MYNN: variants seen among roughly 807,000 people sequenced by gnomAD.
MYNN encodes myoneurin, also known as zinc finger and BTB domain-containing protein 31.
MYNN carries 22 observed loss-of-function variants against 57.2 expected under a neutral mutation model. The observed-to-expected ratio is 0.38, with a 90% CI of 0.27 to 0.55. The LOEUF is 0.55. MYNN is among the 20% of genes least tolerant of loss of function. MYNN has a pLI of 0.71. For missense variants in MYNN, 566 were observed against 723.1 expected, an observed-to-expected ratio of 0.78 and a Z score of 2.49; for synonymous variants, 241 against 257.1, an observed-to-expected ratio of 0.94 and a Z score of 0.60.
At chr3:169,773,645 C>CAGAGG (rs2108194436) in intron 1 of MYNN, among the ~76,000 whole-genome samples, 183 bp downstream of exon 1, 1 of 152,304 alleles carries the variant, frequency 6.6e-6, no homozygotes, top group East Asian at 1.9e-4. Flanking sequence ...GGGAGCTGGG[C>CAGAGG]AGAGGGCAGG....
Position 169,780,675 on chromosome 3 carries a change from T to C in MYNN, c.1146T>C (p.Gly382=). 6.2e-7 allele frequency: 1 copy of C among 1,613,160 alleles called. No homozygotes were observed. The highest frequency in any genetic ancestry group is 8.5e-7 in the Non-Finnish European group (1 of 1,179,678). The part of the protein sequence containing the change: ...QLVFHSRMHH[G]EEKPYKCDVC... ...TCTTCCATAGTCGCATGCATCATGG[T>C]GAAGAAAAACCCTATAAATGTGATG... Residue 382 remains glycine, a synonymous_variant, in exon 4 of 8, where the codon GGT becomes GGC. Coordinates refer to ENST00000349841, the MANE Select transcript of MYNN (RefSeq NM_018657.5).
At chr3:169,778,688 A>T in intron 2 of MYNN, 80 bp from the exon 3 acceptor site, 1 of 1,064,946 alleles carries the variant, frequency 9.4e-7, no homozygotes, top group East Asian at 2.4e-5. Context: ...TCTTTAAAAT[A>T]CATTGAAGTA....
At chr3:169,778,686 A>C in intron 2 of MYNN, 82 bp from the exon 3 acceptor site, 1 of 1,059,190 alleles carries the variant, frequency 9.4e-7, no homozygotes, top group Non-Finnish European at 1.4e-6. Flanking sequence ...GGTCTTTAAA[A>C]TACATTGAAG....
chr3:169,785,770 A>G (rs1778658124), intron 7 of MYNN, among the ~76,000 whole-genome samples: 1 of 152,094 alleles, frequency 6.6e-6, no homozygotes, highest in Non-Finnish European at 1.5e-5. Flanking sequence ...CGGTGAAACC[A>G]AAATCATGTC....
In MYNN at chr3:169,778,958, C is replaced by T. The variant is rs2108202052; in HGVS notation, c.457C>T (p.Arg153Ter). The T allele has an allele frequency of 1.9e-6, 3 of 1,613,626 alleles. 1 individual carries two copies. Among genetic ancestry groups the T allele is most frequent in the Middle Eastern group, 3.3e-4 (2 of 6,062 alleles). Reference protein sequence around the residue: ...CLLTLRDYNNREKSEVSTDLI... With the variant: ...CLLTLRDYNN ...TCTTACTCTGCGAGATTATAATAAT[C>T]GAGAGAAATCAGAAGTATCTACAGA... Residue 153 changes from arginine to a stop codon, truncating the protein, a stop_gained, in exon 3 of 8, where the codon CGA becomes TGA. Transcript: ENST00000349841. LOFTEE classifies it high-confidence loss of function.
rs750582978 is a variant in MYNN at position 169,779,020 on chromosome 3, G to A, written c.519G>A (p.Ala173=). 6.8e-6 allele frequency: 11 copies of A among 1,613,730 alleles called. No homozygotes were observed. Among genetic ancestry groups the A allele is most frequent in the African/African-American group, 1.3e-5 (1 of 74,912 alleles). The change falls in exon 3 of 8, where the codon GCG becomes GCA. Residue 173 remains alanine (A), a synonymous_variant. Transcript: ENST00000349841. ...IQANPKQGAL[A]KKSSQTKKKK... ...CAAATCCTAAACAAGGCGCGTTAGC[G>A]AAAAAGTCATCTCAAACGAAAAAGA...
In MYNN at chr3:169,785,280, G is replaced by C. The variant is rs79992152; in HGVS notation, c.1570+572G>C. Among the ~76,000 whole-genome samples, 1,218 of 152,040 alleles carry C rather than the reference G, an allele frequency of 8.0e-3. 13 individuals carry two copies. Among genetic ancestry groups the C allele is most frequent in the African/African-American group, 0.027 (1,135 of 41,524 alleles). ...TTCGACATGACACTAGGCCCTTCTG[G>C]TGTGTAAATACTTAAACATCGTAAG... On this transcript the variant is annotated intron_variant, in intron 7 of 7. Transcript: ENST00000349841.
chr3:169,777,881 C>T (rs1778393676), intron 2 of MYNN: 1 of 152,144 alleles, frequency 6.6e-6, no homozygotes, highest in Non-Finnish European at 1.5e-5. Context: ...CATTCTAAAA[C>T]CTTGTTCCTC....
intron 2 of MYNN, among the ~76,000 whole-genome samples, chr3:169,776,981 C>T (rs570530982): frequency 1.1e-3 from 161 of 152,254 alleles, no homozygotes; most frequent in South Asian, 8.3e-4. Flanking sequence ...CAACTGCACC[C>T]GGCCTTGAAC....
In MYNN at chr3:169,782,944, C is replaced by T. The variant is rs535577373; in HGVS notation, c.1399+301C>T. On this transcript the variant is annotated intron_variant, in intron 5 of 7. Coordinates refer to ENST00000349841, the MANE Select transcript of MYNN (RefSeq NM_018657.5). This position sits in a 1 kb window ranked among gnomAD's most constrained non-coding sequence, Gnocchi z 4.8. ...TGTGACTTTATAAAAACCTTTTCAGCTTCCTAAAGGGTCATCTCCTATAGT... is the reference window on the plus strand; with the variant it reads ...TGTGACTTTATAAAAACCTTTTCAGTTTCCTAAAGGGTCATCTCCTATAGT... 6.6e-6 allele frequency among the ~76,000 whole-genome samples: 1 copy of T among 152,248 alleles called. No individual in the cohort carries two copies. Among genetic ancestry groups the T allele is most frequent in the South Asian group, 2.1e-4 (1 of 4,826 alleles).
rs772396326 is a variant in MYNN, at chr3:169,778,879, T to C, written c.378T>C (p.Ser126=). ...TTGCTTTTATTGCTAATCCTTCTTC[T>C]ACAGAGATATCTAGTATTACTGGAA... The part of the protein sequence containing the change: ...EDFAFIANPS[S]TEISSITGNI... The change falls in exon 3 of 8, where the codon TCT becomes TCC. Residue 126 remains serine (S), a synonymous_variant. Coordinates refer to ENST00000349841, the MANE Select transcript of MYNN (RefSeq NM_018657.5). 2 of 1,613,908 alleles carry C rather than the reference T, an allele frequency of 1.2e-6. No homozygotes were observed. The highest frequency in any genetic ancestry group is 1.3e-5 in the African/African-American group (1 of 74,938).
intron 1 of MYNN, among the ~76,000 whole-genome samples, chr3:169,773,786 G>A (rs1397959334): frequency 6.6e-6 from 1 of 152,182 alleles, no homozygotes; most frequent in Non-Finnish European, 1.5e-5. Context: ...GCCATGGCCG[G>A]GCGCATTCCC....
chr3:169,778,606 CATT>C, intron 2 of MYNN, 159 bp from the exon 3 acceptor site: 2 of 564,642 alleles, frequency 3.5e-6, no homozygotes, highest in East Asian at 3.0e-5. Flanking sequence ...TTTACCTAAA[CATT>C]ATTCTGAATG....
intron 1 of MYNN, 95 bp from the exon 2 acceptor site, chr3:169,774,170 C>T: frequency 1.1e-6 from 1 of 912,134 alleles, no homozygotes; most frequent in Admixed American, 2.4e-5. Context: ...TTCAAGGGGG[C>T]TAAAATTGTT....
At chr3:169,784,474 A>G (rs975748646) in intron 6 of MYNN, 148 bp from the exon 7 acceptor site, 5 of 555,012 alleles carry the variant, frequency 9.0e-6, no homozygotes, top group South Asian at 4.6e-5. Flanking sequence ...TCATTTCACT[A>G]TATTATAACC....
At chr3:169,779,888 G>A (rs183494308) in intron 3 of MYNN, 73 of 292,374 alleles carry the variant, frequency 2.5e-4, no homozygotes, top group East Asian at 7.0e-5. Flanking sequence ...CCAATTTTCA[G>A]ATATTGCCAA....
chr3:169,779,348 C>T lies in MYNN; in HGVS notation c.847C>T (p.Pro283Ser). ...SMSNIASVKS[P>S]YEAENSGEEL... ...GTCTAATATAGCCAGCGTCAAGAGT[C>T]CTTATGAGGCGGAGAACTCCGGGGA... Residue 283 changes from proline to serine, a missense_variant, in exon 3 of 8, where the codon CCT becomes TCT. Pro to Ser is a moderately conservative substitution (Grantham distance 74, BLOSUM62 -1). Transcript: ENST00000349841. 1 of 1,614,186 alleles carries T rather than the reference C, an allele frequency of 6.2e-7. No individual in the cohort carries two copies.
intron 3 of MYNN, chr3:169,780,369 CT>C: frequency 2.6e-6 from 1 of 385,702 alleles, no homozygotes; most frequent in East Asian, 4.3e-5. Flanking sequence ...TAGATTCGTA[CT>C]TTTTAAAATG....
intron 6 of MYNN, among the ~76,000 whole-genome samples, chr3:169,784,257 C>T (rs949421794): frequency 7.2e-5 from 11 of 151,898 alleles, no homozygotes; most frequent in African/African-American, 2.4e-4. Context: ...GAGCAGAAAC[C>T]ATGATTATTA....
Sources: allele counts gnomAD v4.1 joint callset (sites outside exome capture counted in the v4.1 genomes callset), GRCh38; gene constraint gnomAD v4.1.1; non-coding constraint Gnocchi (gnomAD v3.1); transcripts MANE v1.5; gene names NCBI Gene and HGNC (gene_info 2026-07-23, HGNC 2026-07-21).